Variants in DCLRE1C observed in about 807,000 individuals in gnomAD.
DCLRE1C encodes protein artemis.
Under a neutral mutation model 61.4 loss-of-function variants are expected in DCLRE1C, and 47 were observed. The ratio of observed to expected loss-of-function variants is 0.77; its 90% CI spans 0.61 to 0.98. The LOEUF is 0.98. Among genes scored for constraint, DCLRE1C ranks in the 50% least tolerant of loss-of-function variants. The probability of loss-of-function intolerance (pLI) is 0.00; values close to 1 mark genes in which losing one functional copy is unlikely to be tolerated. For synonymous variants in DCLRE1C, 337 were observed against 287.6 expected (o/e 1.17, Z -1.74); for missense variants, 858 against 816.0 (o/e 1.05, Z -0.63).
At position 14,908,187 on chromosome 10, in the gene DCLRE1C, T is replaced by TTTA; in HGVS notation, c.*220_*221insTAA. 1 of 230,636 alleles carries TTTA rather than the reference T, an allele frequency of 4.3e-6. No homozygotes were observed. 14.3% of individuals were successfully genotyped at this position (230,636 alleles called of 1,614,324 possible). ...TGGCTTTTTTTTTTTTTTTTTTTTT[T>TTTA]GTAAGTAGAGACACATTTCACTGTG... On this transcript the variant is annotated 3_prime_UTR_variant, in exon 14 of 14. Transcript: ENST00000378278.
downstream of DCLRE1C, chr10:14,901,353 C>A: frequency 6.6e-7 from 1 of 1,520,644 alleles, no homozygotes. Flanking sequence ...TTGAACCAAA[C>A]CTAATACTAA....
intron 13 of DCLRE1C, among the ~76,000 whole-genome samples, chr10:14,919,454 T>G (rs1836739630): frequency 6.6e-6 from 1 of 152,212 alleles, no homozygotes; most frequent in South Asian, 2.1e-4. Context: ...AGCCTCTCTT[T>G]ATGGCCTCTA....
rs190184768 is a variant in DCLRE1C, at chr10:14,913,148, G to C, written c.1157-3818C>G. 1.3e-3 allele frequency among the ~76,000 whole-genome samples: 199 copies of C among 152,384 alleles called. 1 individual carries two copies. The highest frequency in any genetic ancestry group is 4.1e-3 in the African/African-American group (170 of 41,592). ...TGGGATTACAGGCGCGAGCCACTGT[G>C]CCTGGCCATATGAGTTCTCTTATAT... is the stretch of plus-strand genomic sequence containing the variant. On this transcript the variant is annotated intron_variant, in intron 13 of 13. Transcript: ENST00000378278.
At chr10:14,901,577 A>C (rs902158800), downstream of DCLRE1C, among the ~76,000 whole-genome samples, 1 of 150,594 alleles carries the variant, frequency 6.6e-6, no homozygotes, top group Admixed American at 6.6e-5. Context: ...TGGGCTAAGC[A>C]TGCTGGCTCC....
chr10:14,936,595 T>A lies in DCLRE1C; in HGVS notation c.307-2A>T. 6.2e-7 allele frequency: 1 copy of A among 1,611,166 alleles called. No individual in the cohort carries two copies. The highest frequency in any genetic ancestry group is 8.5e-7 in the Non-Finnish European group (1 of 1,177,724). On this transcript the variant is annotated splice_acceptor_variant, in intron 4 of 13. Coordinates refer to ENST00000378278, the MANE Select transcript of DCLRE1C (RefSeq NM_001033855.3). LOFTEE classifies it high-confidence loss of function. ...GAGAGTCACAACAATCTCTTCCTTC[T>A]AAAAAGAAAATAAAGAAAAAATAGT...
chr10:14,900,697 G>A (rs1404181954), downstream of DCLRE1C, among the ~76,000 whole-genome samples: 2 of 152,162 alleles, frequency 1.3e-5, no homozygotes, highest in Admixed American at 1.3e-4. Flanking sequence ...GAAACTCCAT[G>A]CAGTGTAAAA....
chr10:14,939,927 T>C, intron 3 of DCLRE1C, 58 bp from the exon 4 acceptor site: 1 of 1,340,848 alleles, frequency 7.5e-7, no homozygotes, highest in South Asian at 1.3e-5. Context: ...TTTATATGCC[T>C]TTGCTGTCTG....
intron 1 of DCLRE1C, among the ~76,000 whole-genome samples, chr10:14,951,785 G>T (rs568825181): frequency 6.6e-6 from 1 of 152,072 alleles, no homozygotes; most frequent in Non-Finnish European, 1.5e-5. Context: ...AGGACACCAC[G>T]GTAGGACCCC....
intron 13 of DCLRE1C, among the ~76,000 whole-genome samples, chr10:14,916,867 T>A (rs1032866475): frequency 2.0e-5 from 3 of 152,164 alleles, no homozygotes; most frequent in African/African-American, 7.2e-5. Flanking sequence ...ACAATCCTCA[T>A]CAAAACCTCA....
At chr10:14,929,714 T>A (rs1236330473) in intron 9 of DCLRE1C, among the ~76,000 whole-genome samples, 1 of 152,040 alleles carries the variant, frequency 6.6e-6, no homozygotes, top group African/African-American at 2.4e-5. Context: ...AATACAAGTG[T>A]TTTCAAAAGG....
At chr10:14,918,629 TAAAAAA>T (rs57588352) in intron 13 of DCLRE1C, among the ~76,000 whole-genome samples, 1 of 138,586 alleles carries the variant, frequency 7.2e-6, no homozygotes, top group Non-Finnish European at 1.6e-5. Context: ...AGCTGTTTTT[TAAAAAA>T]AAAAAAAAAG....
chr10:14,908,779 T>C lies in DCLRE1C; in HGVS notation c.1708A>G (p.Ile570Val). Reference sequence around the variant, plus strand: ...TAGTCAGCTTTGTCCAAGGAAGTAATATCCCCACTGTTTCTCTCTTGGGAA... The same window carrying C: ...TAGTCAGCTTTGTCCAAGGAAGTAACATCCCCACTGTTTCTCTCTTGGGAA... ...LSSQERNSGD[I>V]TSLDKADYRP... The change falls in exon 14 of 14, where the codon ATT becomes GTT. Residue 570 changes from isoleucine to valine, a missense_variant. By Grantham distance (29) the Ile-to-Val change is conservative. Coordinates refer to ENST00000378278, the MANE Select transcript of DCLRE1C (RefSeq NM_001033855.3). 1 of 1,614,218 alleles carries C rather than the reference T, an allele frequency of 6.2e-7. No individual in the cohort carries two copies. Among genetic ancestry groups the C allele is most frequent in the South Asian group, 1.1e-5 (1 of 91,076 alleles).
chr10:14,908,466 A>T lies in DCLRE1C; in HGVS notation c.2021T>A (p.Leu674Gln), dbSNP rs1377171272. ...REHLQYLYEKLATGESIAVKK... is the reference protein window; with the variant it reads ...REHLQYLYEKQATGESIAVKK... ...GACTGCTATACTCTCACCAGTTGCCAGCTTCTCATATAAATATTGTAAATG... is the reference window on the plus strand; with the variant it reads ...GACTGCTATACTCTCACCAGTTGCCTGCTTCTCATATAAATATTGTAAATG... Residue 674 changes from leucine to glutamine, a missense_variant, in exon 14 of 14, where the codon CTG (leucine) becomes CAG (glutamine). Around this residue, in one of 2 missense-constraint regions of DCLRE1C, gnomAD observed 843 missense variants for 783.5 expected, o/e 1.08. Transcript: ENST00000378278. 1 of 1,613,942 alleles carries T rather than the reference A, an allele frequency of 6.2e-7. No individual in the cohort carries two copies. Among genetic ancestry groups the T allele is most frequent in the Non-Finnish European group, 8.5e-7 (1 of 1,179,992 alleles).
At chr10:14,929,603 C>A (rs1467598262) in intron 9 of DCLRE1C, among the ~76,000 whole-genome samples, 3 of 151,998 alleles carry the variant, frequency 2.0e-5, no homozygotes, top group Non-Finnish European at 1.5e-5. Context: ...GATTGCACCA[C>A]TGCACTCCAG....
At position 14,908,979 on chromosome 10, in the gene DCLRE1C, C is replaced by T. The variant is rs1248361684; in HGVS notation, c.1508G>A (p.Ser503Asn). The T allele has an allele frequency of 6.2e-7, 1 of 1,613,998 alleles. No homozygotes were observed. Among genetic ancestry groups the T allele is most frequent in the Non-Finnish European group, 8.5e-7 (1 of 1,180,000 alleles). ...TGTGGAGGAAGGGAAGTTTTCCAAA[C>T]TCTCATCTGTGATTTCATCATTTCT... ...FKRNDEITDESLENFPSSTVA... is the reference protein window; with the variant it reads ...FKRNDEITDENLENFPSSTVA... Residue 503 changes from serine (S) to asparagine (N), a missense_variant, in exon 14 of 14, where the codon AGT becomes AAT. By Grantham distance (46) the Ser-to-Asn change is conservative. Transcript: ENST00000378278.
downstream of DCLRE1C, among the ~76,000 whole-genome samples, chr10:14,904,529 T>C (rs1834237194): frequency 6.6e-6 from 1 of 152,092 alleles, no homozygotes; most frequent in Non-Finnish European, 1.5e-5. Context: ...ACCATCTAGT[T>C]ATTTGATCTT....
At chr10:14,936,652 C>A (rs1161868522) in intron 4 of DCLRE1C, 59 bp from the exon 5 acceptor site, 4 of 1,179,452 alleles carry the variant, frequency 3.4e-6, no homozygotes, top group Non-Finnish European at 5.0e-6. Flanking sequence ...GGACCTAGCT[C>A]AACAAAGCCC....
Position 14,906,308 on chromosome 10 carries a change from C to T in DCLRE1C, c.*2100G>A, listed in dbSNP as rs1262536251. Among the ~76,000 whole-genome samples the T allele has an allele frequency of 6.6e-6, 1 of 152,184 alleles. No homozygotes were observed. The highest frequency in any genetic ancestry group is 2.4e-5 in the African/African-American group (1 of 41,452). ...CTTAAGAGCATCATCAGAGTAAGCA[C>T]CAAATATAATTTCTGGTAATCACTA... On this transcript the variant is annotated 3_prime_UTR_variant, in exon 14 of 14. Transcript: ENST00000378278.
intron 3 of DCLRE1C, among the ~76,000 whole-genome samples, chr10:14,942,984 G>C (rs1473820182): frequency 6.6e-6 from 1 of 152,208 alleles, no homozygotes; most frequent in Non-Finnish European, 1.5e-5. Context: ...AAATTAGCCA[G>C]GTGTGGTGGT....
Sources: gnomAD v4.1 joint callset for allele counts (sites outside exome capture counted in the v4.1 genomes callset) on GRCh38, gnomAD v4.1.1 for gene constraint, gnomAD v4.1.1 regional missense constraint, MANE v1.5 for transcripts, NCBI Gene and HGNC (gene_info 2026-07-23, HGNC 2026-07-21) for gene names.